TANC2: variants seen among roughly 807,000 people sequenced by gnomAD.
TANC2 encodes tetratricopeptide repeat, ankyrin repeat and coiled-coil containing 2, also known as protein TANC2.
In TANC2, 26 loss-of-function variants were observed where a neutral mutation model predicts 210.5. The observed-to-expected ratio is 0.12, with a 90% CI of 0.09 to 0.17. The LOEUF (loss-of-function observed/expected upper bound fraction) is 0.17, where lower values mean the gene tolerates loss of function less well. Among genes scored for constraint, TANC2 ranks in the 10% least tolerant of loss-of-function variants. The probability of loss-of-function intolerance (pLI) is 1.00; values close to 1 mark genes in which losing one functional copy is unlikely to be tolerated. For synonymous variants in TANC2, 931 were observed against 967.1 expected (o/e 0.96, Z 0.69); for missense variants, 2,129 against 2,608.9 (o/e 0.82, Z 4.01).
At chr17:63,074,407 T>G (rs2144661019) in intron 3 of TANC2, among the ~76,000 whole-genome samples, 1 of 152,232 alleles carries the variant, frequency 6.6e-6, no homozygotes, top group African/African-American at 2.4e-5. Flanking sequence ...ATGGTTTTTG[T>G]TGGTAATTGC....
intron 4 of TANC2, among the ~76,000 whole-genome samples, chr17:63,107,841 T>C (rs1436041322): frequency 2.6e-5 from 4 of 151,732 alleles, no homozygotes; most frequent in Admixed American, 6.6e-5. Context: ...AGGTAGTGAA[T>C]GCTTAAGGGT....
intron 2 of TANC2, among the ~76,000 whole-genome samples, chr17:63,037,892 C>G (rs1303758524): frequency 1.3e-5 from 2 of 151,804 alleles, no homozygotes; most frequent in Admixed American, 6.6e-5. Flanking sequence ...CTTATTAGTT[C>G]TAATCGATGT....
chr17:63,250,499 A>G (rs115392331), intron 8 of TANC2, among the ~76,000 whole-genome samples: 1 of 152,220 alleles, frequency 6.6e-6, no homozygotes, highest in African/African-American at 2.4e-5. Flanking sequence ...ATGTGTCCCT[A>G]TAGAGCCGTC....
In TANC2 at chr17:63,343,064, A is replaced by T. The variant is rs113597313; in HGVS notation, c.1807+2732A>T. 3.6e-3 allele frequency among the ~76,000 whole-genome samples: 554 copies of T among 152,364 alleles called. 4 individuals are homozygous for T. Among genetic ancestry groups the T allele is most frequent in the African/African-American group, 0.013 (531 of 41,582 alleles). ...TGACCCAAAAGAACTCAAGAAATAA[A>T]GAAGAATATTTTTTTTAGAGATAGA... is the stretch of plus-strand genomic sequence containing the variant. On this transcript the variant is annotated intron_variant, in intron 12 of 27. Coordinates refer to ENST00000689528, the Ensembl canonical transcript of TANC2.
intron 1 of TANC2, among the ~76,000 whole-genome samples, chr17:62,974,851 A>T (rs772795295): frequency 1.3e-5 from 2 of 152,230 alleles, no homozygotes; most frequent in Non-Finnish European, 2.9e-5. Context: ...ATATCAGCCA[A>T]TGTTACAGAC....
chr17:63,261,400 T>C (rs1460856014), intron 8 of TANC2, among the ~76,000 whole-genome samples: 1 of 152,062 alleles, frequency 6.6e-6, no homozygotes, highest in East Asian at 1.9e-4. Context: ...TATACAAGAT[T>C]GGAAGAAAGG....
chr17:63,192,444 A>G (rs2041216811), intron 5 of TANC2, among the ~76,000 whole-genome samples: 2 of 152,238 alleles, frequency 1.3e-5, no homozygotes, highest in African/African-American at 4.8e-5. Flanking sequence ...TAGTGTTTAC[A>G]ACATGCTTTG....
At chr17:63,362,889 C>G (rs1373184929) in intron 14 of TANC2, among the ~76,000 whole-genome samples, 1 of 152,142 alleles carries the variant, frequency 6.6e-6, no homozygotes, top group African/African-American at 2.4e-5. Flanking sequence ...GGGCAGGGCT[C>G]CCGTCTGTTT....
At chr17:63,203,977 T>C (rs961166774) in intron 7 of TANC2, among the ~76,000 whole-genome samples, 3 of 152,212 alleles carry the variant, frequency 2.0e-5, no homozygotes, top group African/African-American at 7.2e-5. Flanking sequence ...CACATTTGGC[T>C]TCCTTCTGTA....
intron 5 of TANC2, among the ~76,000 whole-genome samples, chr17:63,164,534 A>T (rs765690178): frequency 1.3e-5 from 2 of 152,218 alleles, no homozygotes; most frequent in Non-Finnish European, 2.9e-5. Context: ...TAGGTTATAG[A>T]TAAAGATACA....
chr17:63,032,495 C>T (rs1179947538), intron 2 of TANC2, among the ~76,000 whole-genome samples: 2 of 152,004 alleles, frequency 1.3e-5, no homozygotes, highest in African/African-American at 4.8e-5. Context: ...TCTGTAGGAG[C>T]TATTGCAGCA....
intron 4 of TANC2, among the ~76,000 whole-genome samples, chr17:63,106,642 G>A (rs1201894080): frequency 6.6e-6 from 1 of 151,680 alleles, no homozygotes; most frequent in Non-Finnish European, 1.5e-5. Flanking sequence ...CTAAAGTTTG[G>A]TTAAGGGGTG....
At chr17:62,972,409 G>A (rs895757507) in intron 1 of TANC2, among the ~76,000 whole-genome samples, 1 of 152,148 alleles carries the variant, frequency 6.6e-6, no homozygotes, top group Non-Finnish European at 1.5e-5. Context: ...ATGGTTTATA[G>A]TGCATCTTAA....
At chr17:63,116,354 C>T (rs2038251389) in intron 4 of TANC2, among the ~76,000 whole-genome samples, 1 of 152,228 alleles carries the variant, frequency 6.6e-6, no homozygotes, top group Admixed American at 6.5e-5. Flanking sequence ...GCTCCCTCTT[C>T]TCCTGTGATA....
chr17:63,179,369 A>C (rs906090238), intron 5 of TANC2, among the ~76,000 whole-genome samples: 1 of 152,228 alleles, frequency 6.6e-6, no homozygotes, highest in African/African-American at 2.4e-5. Context: ...TCTGTTACTT[A>C]ACTAACTCTG....
At chr17:63,007,809 T>C (rs2033687491) in intron 1 of TANC2, among the ~76,000 whole-genome samples, 1 of 152,118 alleles carries the variant, frequency 6.6e-6, no homozygotes, top group Admixed American at 6.5e-5. Flanking sequence ...TTATTAATAC[T>C]TAAGAACATA....
chr17:63,097,582 A>C (rs554098041), intron 3 of TANC2, among the ~76,000 whole-genome samples: 1 of 152,180 alleles, frequency 6.6e-6, no homozygotes, highest in African/African-American at 2.4e-5. Context: ...AATTGCAAAA[A>C]AAAAAAAAAA....
In TANC2 at chr17:63,009,567, G is replaced by A. The variant is rs762051832; in HGVS notation, c.8G>A (p.Arg3Gln). ...CAGTAGAAGAGTATAACCATGTTTC[G>A]GAATAGTCTCAAGATGCTGCTTACT... Residue 3 changes from arginine (R) to glutamine (Q), a missense_variant, in exon 2 of 28, where the codon CGG (arginine) becomes CAG (glutamine). Physicochemically the swap from Arg to Gln is conservative, Grantham distance 43. This residue lies in a region of TANC2 where 739 missense variants were observed against 848.0 expected (regional missense o/e 0.87). Coordinates refer to ENST00000689528, the Ensembl canonical transcript of TANC2. 3.7e-6 allele frequency: 6 copies of A among 1,612,444 alleles called. No homozygotes were observed. Among genetic ancestry groups the A allele is most frequent in the African/African-American group, 1.3e-5 (1 of 74,808 alleles).
Position 63,421,800 on chromosome 17 carries a change from C to G in TANC2, c.6070C>G (p.Gln2024Glu), listed in dbSNP as rs765799716. Residue 2024 changes from glutamine (Q) to glutamate (E), a missense_variant, in exon 28 of 28, where the codon CAG becomes GAG. This residue lies in a region of TANC2 where 161 missense variants were observed against 178.6 expected (regional missense o/e 0.90). Transcript: ENST00000689528. This position sits in a 1 kb window ranked among gnomAD's most constrained non-coding sequence, Gnocchi z 6.9. ...TGGAGACCTCTTGGAGCGAGTCAGC[C>G]AGGCCTCCTCCTATCCCGACGTGAA... The G allele has an allele frequency of 6.2e-7, 1 of 1,614,078 alleles. No individual in the cohort carries two copies. Among genetic ancestry groups the G allele is most frequent in the South Asian group, 1.1e-5 (1 of 91,088 alleles).
Sources: gnomAD v4.1 joint callset for allele counts (sites outside exome capture counted in the v4.1 genomes callset) on GRCh38, gnomAD v4.1.1 for gene constraint, gnomAD v4.1.1 regional missense constraint, Gnocchi (gnomAD v3.1) non-coding constraint, MANE v1.5 for transcripts, NCBI Gene and HGNC (gene_info 2026-07-23, HGNC 2026-07-21) for gene names.